ZNF503: variants seen among roughly 807,000 people sequenced by gnomAD.
ZNF503 encodes the protein zinc finger protein 503, also known as NocA-like zinc finger 2.
A neutral mutation model predicts 34.4 loss-of-function variants in ZNF503; 15 were observed. The observed-to-expected ratio is 0.44, with a 90% CI of 0.29 to 0.67. The LOEUF (loss-of-function observed/expected upper bound fraction) is 0.67, where lower values mean the gene tolerates loss of function less well. Among genes scored for constraint, ZNF503 ranks in the 30% least tolerant of loss-of-function variants. The pLI, the probability that ZNF503 is intolerant of heterozygous loss-of-function variation, is 0.13. For synonymous variants in ZNF503, 580 were observed against 456.8 expected (o/e 1.27, Z -3.44); for missense variants, 1,007 against 926.8 (o/e 1.09, Z -1.12).
chr10:75,332,215 C>T, the ZNF503 span, among the ~76,000 whole-genome samples: 2 of 152,172 alleles, frequency 1.3e-5, no homozygotes, highest in South Asian at 2.1e-4. Context: ...TCAATAATCT[C>T]TTTAAATATT....
chr10:75,319,209 C>T, the ZNF503 span, among the ~76,000 whole-genome samples: 1 of 152,132 alleles, frequency 6.6e-6, no homozygotes, highest in Admixed American at 6.6e-5. Context: ...CAAGCAATCC[C>T]TCCCAAAGTG....
chr10:75,338,775 A>T, the ZNF503 span, among the ~76,000 whole-genome samples: 38 of 152,330 alleles, frequency 2.5e-4, 1 homozygote, highest in African/African-American at 8.2e-4. Flanking sequence ...GGAATCATCC[A>T]TTCTTTGGAG....
the ZNF503 span, among the ~76,000 whole-genome samples, chr10:75,297,936 G>T: frequency 6.6e-6 from 1 of 152,110 alleles, no homozygotes; most frequent in Admixed American, 6.6e-5. Flanking sequence ...GTTTTCACTG[G>T]ATTCATTTTA....
chr10:75,351,331 C>T, the ZNF503 span, among the ~76,000 whole-genome samples: 167 of 152,164 alleles, frequency 1.1e-3, no homozygotes, highest in Middle Eastern at 3.4e-3. Flanking sequence ...ACCACCACAC[C>T]CGGCTAATTT....
the ZNF503 span, among the ~76,000 whole-genome samples, chr10:75,296,817 G>A: frequency 6.6e-6 from 1 of 152,114 alleles, no homozygotes; most frequent in Non-Finnish European, 1.5e-5. Flanking sequence ...TACAGGAGAG[G>A]ACGTGTAGGT....
At chr10:75,303,261 G>GTTC in the ZNF503 span, among the ~76,000 whole-genome samples, 1 of 152,196 alleles carries the variant, frequency 6.6e-6, no homozygotes, top group Non-Finnish European at 1.5e-5. Context: ...GGAAGGCTAG[G>GTTC]GGAGAACTTC....
the ZNF503 span, among the ~76,000 whole-genome samples, chr10:75,342,659 G>T: frequency 2.0e-5 from 3 of 147,962 alleles, no homozygotes; most frequent in Admixed American, 2.0e-4. Context: ...GTGCCTCCCG[G>T]TGGTGGGGCG....
chr10:75,326,443 G>A, the ZNF503 span, among the ~76,000 whole-genome samples: 1 of 151,926 alleles, frequency 6.6e-6, no homozygotes, highest in African/African-American at 2.4e-5. Flanking sequence ...TGCTTGGCTG[G>A]AAATGTCTTT....
Position 75,401,354 on chromosome 10 carries a change from T to TCCGCCGCCG in ZNF503, c.57_65dup (p.Gly25_Gly27dup), listed in dbSNP as rs760375543. 1.5e-5 allele frequency: 23 copies of TCCGCCGCCG among 1,516,744 alleles called. No homozygotes were observed. Among genetic ancestry groups the TCCGCCGCCG allele is most frequent in the Middle Eastern group, 1.9e-4 (1 of 5,134 alleles). The allele number at this position is 1,516,744 out of a possible 1,614,324, so 94.0% of individuals were successfully genotyped here. A position where few individuals can be genotyped will look rare whatever the true frequency, so the allele number is the denominator to read the frequency against. On this transcript the variant is annotated inframe_insertion, in exon 1 of 2. Transcript: ENST00000372524. ...CAGGGTCTGCACCGCCGCCTCCGCC[T>TCCGCCGCCG]CCGCCGCCGCCGCCGCCGCTGTGCT...
the ZNF503 span, among the ~76,000 whole-genome samples, chr10:75,364,130 A>T: frequency 6.6e-6 from 1 of 152,184 alleles, no homozygotes; most frequent in Non-Finnish European, 1.5e-5. Flanking sequence ...TTGACTTTTT[A>T]AAAAATTCCA....
At chr10:75,356,204 C>A in the ZNF503 span, among the ~76,000 whole-genome samples, 1 of 152,046 alleles carries the variant, frequency 6.6e-6, no homozygotes, top group Non-Finnish European at 1.5e-5. Flanking sequence ...TATAGTGAAC[C>A]TTTTTTAAAA....
the ZNF503 span, among the ~76,000 whole-genome samples, chr10:75,318,735 G>A: frequency 6.7e-6 from 1 of 149,584 alleles, no homozygotes; most frequent in African/African-American, 2.5e-5. Context: ...AATAGCTAAA[G>A]GAATTTCTTT....
Position 75,399,214 on chromosome 10 carries a change from C to A in ZNF503, c.1476G>T (p.Pro492=). 1 of 1,593,754 alleles carries A rather than the reference C, an allele frequency of 6.3e-7. No individual in the cohort carries two copies. The highest frequency in any genetic ancestry group is 1.1e-5 in the South Asian group (1 of 88,256). The part of the protein sequence containing the change: ...LTAAAAAGAT[P]PSLAGHPLYP... ...AGAGGGGGTGGCCGGCCAGGGAGGG[C>A]GGTGTGGCGCCAGCAGCCGCGGCGG... The change falls in exon 2 of 2, where the codon CCG becomes CCT. Residue 492 remains proline, a synonymous_variant. Coordinates refer to ENST00000372524, the MANE Select transcript of ZNF503 (RefSeq NM_032772.6).
the ZNF503 span, chr10:75,296,733 A>T: frequency 6.6e-6 from 1 of 152,274 alleles, no homozygotes; most frequent in Non-Finnish European, 1.5e-5. Context: ...GGCAGAAAAG[A>T]GATATCTAGA....
the ZNF503 span, among the ~76,000 whole-genome samples, chr10:75,285,297 T>A: frequency 1.1e-4 from 17 of 152,226 alleles, no homozygotes; most frequent in Non-Finnish European, 2.5e-4. Context: ...ATTGAACCCA[T>A]ACCATCTGGC....
the ZNF503 span, among the ~76,000 whole-genome samples, chr10:75,312,722 A>G: frequency 1.3e-5 from 2 of 152,162 alleles, no homozygotes; most frequent in Admixed American, 6.5e-5. Flanking sequence ...AATGTAAAAA[A>G]TCTTGAAAGT....
chr10:75,345,634 C>CAAAAA, the ZNF503 span, among the ~76,000 whole-genome samples: 10 of 71,244 alleles, frequency 1.4e-4, no homozygotes, highest in South Asian at 5.3e-4. Flanking sequence ...GACTCTGTCT[C>CAAAAA]AAAAAAAAAA....
chr10:75,386,976 G>A, the ZNF503 span, among the ~76,000 whole-genome samples: 2 of 152,232 alleles, frequency 1.3e-5, no homozygotes, highest in Admixed American at 1.3e-4. Context: ...TTATTTGAGG[G>A]CAGAGACCCT....
At chr10:75,347,315 G>A in the ZNF503 span, among the ~76,000 whole-genome samples, 2 of 152,058 alleles carry the variant, frequency 1.3e-5, no homozygotes, top group African/African-American at 4.8e-5. Context: ...AGAGGAAAAT[G>A]TGACCCCTCG....
Sources: allele counts gnomAD v4.1 joint callset (sites outside exome capture counted in the v4.1 genomes callset), GRCh38; gene constraint gnomAD v4.1.1; transcripts MANE v1.5; gene names NCBI Gene and HGNC (gene_info 2026-07-23, HGNC 2026-07-21).